The following HDAC2 variants were observed in gnomAD, a reference collection of about 807,000 sequenced individuals.
The protein encoded by HDAC2 is YY1-associated factor 1.
A neutral mutation model predicts 68.5 loss-of-function variants in HDAC2; 5 were observed. The ratio of observed to expected loss-of-function variants is 0.07; its 90% CI spans 0.04 to 0.15. The LOEUF (loss-of-function observed/expected upper bound fraction) is 0.15, where lower values mean the gene tolerates loss of function less well. Ranked by LOEUF, HDAC2 falls within the 10% of genes least tolerant of loss-of-function variation. The probability of loss-of-function intolerance (pLI) is 1.00; values close to 1 mark genes in which losing one functional copy is unlikely to be tolerated. For missense variants in HDAC2, 291 were observed against 600.8 expected, an observed-to-expected ratio of 0.48 and a Z score of 5.39; for synonymous variants, 182 against 191.3, an observed-to-expected ratio of 0.95 and a Z score of 0.40.
In HDAC2 at chr6:113,933,941, A is replaced by C. The variant is rs1032255290; in HGVS notation, c.*7117T>G. 4 of 152,016 alleles carry C rather than the reference A, an allele frequency of 2.6e-5. No homozygotes were observed. Among genetic ancestry groups the C allele is most frequent in the Admixed American group, 6.5e-5 (1 of 15,268 alleles). 9.4% of individuals were successfully genotyped at this position (152,016 alleles called of 1,614,324 possible). The stretch of plus-strand genomic sequence containing the variant: ...TAGTATAGTTCCTGTCTCCTGACTG[A>C]ACGCTGATGCAGGGAAACTCTGGTC... On this transcript the variant is annotated 3_prime_UTR_variant, in exon 14 of 14. Coordinates refer to ENST00000519065, the MANE Select transcript of HDAC2 (RefSeq NM_001527.4).
In HDAC2 at chr6:113,946,376, TGTCCCTGATGGAAAA is replaced by T. The variant is rs1776264831; in HGVS notation, c.842-243_842-229del. 1.4e-5 allele frequency: 5 copies of T among 345,068 alleles called. No individual in the cohort carries two copies. The East Asian group carries it at 2.6e-4, about 18-fold the overall frequency. 21.4% of individuals were successfully genotyped at this position (345,068 alleles called of 1,614,324 possible). A position where few individuals can be genotyped will look rare whatever the true frequency, so the allele number is the denominator to read the frequency against. On this transcript the variant is annotated intron_variant, in intron 8 of 13. Coordinates refer to ENST00000519065, the MANE Select transcript of HDAC2 (RefSeq NM_001527.4). The stretch of plus-strand genomic sequence containing the variant: ...AGATATAACTAGCTATTTTAGCAGG[TGTCCCTGATGGAAAA>T]GTCAAGTACACAACTATATTAAGAT...
chr6:113,946,033 A>G lies in HDAC2; in HGVS notation c.957T>C (p.Val319=), dbSNP rs1406431709. The G allele has an allele frequency of 1.2e-6, 2 of 1,613,004 alleles. No homozygotes were observed. The highest frequency in any genetic ancestry group is 1.7e-6 in the Non-Finnish European group (2 of 1,179,010). Residue 319 remains valine (V), a synonymous_variant, in exon 9 of 14, where the codon GTT becomes GTC. Transcript: ENST00000519065. ...CATTGGGAATCTCACAATCAAGGGC[A>G]ACTGCAGTCTCATATGTCCAACATC... ...VARCWTYETA[V]ALDCEIPNEL... is the part of the protein sequence containing the mutation.
At chr6:113,970,328 G>A (rs1776953141) in intron 1 of HDAC2, 1 of 387,744 alleles carries the variant, frequency 2.6e-6, no homozygotes, top group Non-Finnish European at 3.5e-6. Flanking sequence ...CGCAGGGTAG[G>A]GGAGGCGAGC....
chr6:113,950,022 C>T (rs1776371923), intron 6 of HDAC2, among the ~76,000 whole-genome samples: 3 of 152,032 alleles, frequency 2.0e-5, no homozygotes, highest in African/African-American at 7.2e-5. Context: ...CCTAGGTGAT[C>T]CACCCACCTC....
chr6:113,941,086 G>A lies in HDAC2; in HGVS notation c.1439C>T (p.Thr480Ile), dbSNP rs1387767432. 3.1e-6 allele frequency: 5 copies of A among 1,609,094 alleles called. No homozygotes were observed. Among genetic ancestry groups the A allele is most frequent in the Admixed American group, 1.7e-5 (1 of 58,890 alleles). Reference sequence around the variant, plus strand: ...GGGGTTGCTGAGCTGTTCTGATTTGGTTCTGTTAAAAGAGGCAATGTGAAA... The same window carrying A: ...GGGGTTGCTGAGCTGTTCTGATTTGATTCTGTTAAAAGAGGCAATGTGAAA... ...NSGEKTDTKG[T>I]KSEQLSNP Residue 480 changes from threonine to isoleucine, a missense_variant and splice_region_variant, in exon 14 of 14, where the codon ACC (threonine) becomes ATC (isoleucine). Physicochemically the swap from Thr to Ile is moderately conservative, Grantham distance 89 (BLOSUM62 -1). Transcript: ENST00000519065.
chr6:113,940,844 A>G lies in HDAC2; in HGVS notation c.*214T>C, dbSNP rs1229347157. ...TCACATCAATTTTAAATACTATCAC[A>G]TAAAGCATGGTGGAGAAAAGAAATT... On this transcript the variant is annotated 3_prime_UTR_variant, in exon 14 of 14. Coordinates refer to ENST00000519065, the MANE Select transcript of HDAC2 (RefSeq NM_001527.4). The G allele has an allele frequency of 4.4e-6, 2 of 450,876 alleles. No homozygotes were observed. Among genetic ancestry groups the G allele is most frequent in the Non-Finnish European group, 7.8e-6 (2 of 255,014 alleles). 27.9% of individuals were successfully genotyped at this position (450,876 alleles called of 1,614,324 possible). A position where few individuals can be genotyped will look rare whatever the true frequency, so the allele number is the denominator to read the frequency against.
rs1299632666 is a variant in HDAC2 at position 113,940,410 on chromosome 6, T to A, written c.*648A>T. On this transcript the variant is annotated 3_prime_UTR_variant, in exon 14 of 14. Coordinates refer to ENST00000519065, the MANE Select transcript of HDAC2 (RefSeq NM_001527.4). ...AGAATTTCCATTTCAATTTTGAGAATCTTTGGGTCAACTCAAAGAACTCCT... is the reference window on the plus strand; with the variant it reads ...AGAATTTCCATTTCAATTTTGAGAAACTTTGGGTCAACTCAAAGAACTCCT... The A allele has an allele frequency of 1.3e-5, 2 of 152,226 alleles. No homozygotes were observed. The highest frequency in any genetic ancestry group is 2.9e-5 in the Non-Finnish European group (2 of 68,030). The allele number at this position is 152,226 out of a possible 1,614,324, so 9.4% of individuals were successfully genotyped here. A position where few individuals can be genotyped will look rare whatever the true frequency, so the allele number is the denominator to read the frequency against.
intron 2 of HDAC2, among the ~76,000 whole-genome samples, chr6:113,959,453 T>C (rs991839143): frequency 6.6e-6 from 1 of 152,068 alleles, no homozygotes. Flanking sequence ...GTGTTATCTG[T>C]ACTATGCTTG....
chr6:113,963,155 C>G (rs1431098059), intron 1 of HDAC2, among the ~76,000 whole-genome samples: 2 of 151,506 alleles, frequency 1.3e-5, no homozygotes, highest in African/African-American at 2.4e-5. Context: ...GTGATCTTGG[C>G]TCACTGCAAC....
In HDAC2 at chr6:113,960,033, A is replaced by T. The variant is rs1295341555; in HGVS notation, c.53-15T>A. On this transcript the variant is annotated splice_polypyrimidine_tract_variant and intron_variant, in intron 1 of 13. Coordinates refer to ENST00000519065, the MANE Select transcript of HDAC2 (RefSeq NM_001527.4). ...TCCAATATCACCTAAAATAGAAAAG[A>T]CACAAACTAAACAATACAGACAAGA... is the stretch of plus-strand genomic sequence containing the variant. 8.3e-7 allele frequency: 1 copy of T among 1,203,720 alleles called. No individual in the cohort carries two copies. The highest frequency in any genetic ancestry group is 1.7e-5 in the Admixed American group (1 of 59,278). 74.6% of individuals were successfully genotyped at this position (1,203,720 alleles called of 1,614,324 possible).
chr6:113,950,241 GTA>G (rs1179746879), intron 6 of HDAC2, among the ~76,000 whole-genome samples: 2 of 151,960 alleles, frequency 1.3e-5, no homozygotes, highest in Non-Finnish European at 2.9e-5. Context: ...TTACTTATTT[GTA>G]TATGTTATGC....
intron 8 of HDAC2, chr6:113,948,309 C>G (rs1776310120): frequency 6.6e-6 from 1 of 152,178 alleles, no homozygotes. Flanking sequence ...AAGCAGAGAA[C>G]AGCTATGTGT....
intron 3 of HDAC2, chr6:113,957,402 A>G (rs1776580504): frequency 6.6e-6 from 1 of 152,148 alleles, no homozygotes; most frequent in Non-Finnish European, 1.5e-5. Context: ...CTTGTTTTGT[A>G]TATTAATATC....
chr6:113,948,306 G>A (rs1293927685), intron 8 of HDAC2: 1 of 152,142 alleles, frequency 6.6e-6, no homozygotes, highest in Admixed American at 6.6e-5. Flanking sequence ...AAAAAGCAGA[G>A]AACAGCTATG....
chr6:113,943,265 T>A (rs1167820530), intron 12 of HDAC2, 86 bp downstream of exon 12: 1 of 1,060,478 alleles, frequency 9.4e-7, no homozygotes, highest in Non-Finnish European at 1.4e-6. Context: ...CCTGTGCAAC[T>A]GACTTCTCGA....
At chr6:113,965,287 T>C (rs1057463225) in intron 1 of HDAC2, among the ~76,000 whole-genome samples, 3 of 152,214 alleles carry the variant, frequency 2.0e-5, no homozygotes, top group African/African-American at 7.2e-5. Context: ...TAAACTCTTT[T>C]TAAGGCTGGC....
chr6:113,959,533 T>C (rs1293377827), intron 2 of HDAC2: 1 of 153,442 alleles, frequency 6.5e-6, no homozygotes, highest in African/African-American at 2.4e-5. Flanking sequence ...TTTTATGTGT[T>C]ATTATTTTGT....
At chr6:113,951,269 CT>C (rs1368101738) in intron 6 of HDAC2, among the ~76,000 whole-genome samples, 1 of 152,126 alleles carries the variant, frequency 6.6e-6, no homozygotes, top group Non-Finnish European at 1.5e-5. Flanking sequence ...GAGTAGCCTT[CT>C]TTTCAGCATG....
intron 12 of HDAC2, among the ~76,000 whole-genome samples, chr6:113,942,964 T>G (rs574193005): frequency 6.6e-6 from 1 of 152,268 alleles, no homozygotes; most frequent in South Asian, 2.1e-4. Context: ...TATGTAACTC[T>G]TCTTTGTGTT....
Sources: allele counts gnomAD v4.1 joint callset (sites outside exome capture counted in the v4.1 genomes callset), GRCh38; gene constraint gnomAD v4.1.1; transcripts MANE v1.5; gene names NCBI Gene and HGNC (gene_info 2026-07-23, HGNC 2026-07-21).